Variants in SOX5 observed in about 807,000 individuals in gnomAD.
SOX5 encodes transcription factor SOX-5.
A neutral mutation model predicts 92.0 loss-of-function variants in SOX5; 9 were observed. That is an observed-to-expected ratio of 0.10 (90% CI 0.06 to 0.17). The LOEUF (loss-of-function observed/expected upper bound fraction) is 0.17. Ranked by LOEUF, SOX5 falls within the 10% of genes least tolerant of loss-of-function variation. The pLI is 1.00. For synonymous variants in SOX5, 344 were observed against 336.3 expected (o/e 1.02, Z -0.25); for missense variants, 642 against 944.5 (o/e 0.68, Z 4.20).
intron 4 of SOX5, among the ~76,000 whole-genome samples, chr12:24,165,818 A>C (rs1953337851): frequency 1.3e-5 from 2 of 152,192 alleles, no homozygotes; most frequent in South Asian, 4.1e-4. Flanking sequence ...TTAGTTTAAC[A>C]AATCAAGACT....
At chr12:23,652,842 T>C (rs2081791241) in intron 7 of SOX5, among the ~76,000 whole-genome samples, 1 of 152,134 alleles carries the variant, frequency 6.6e-6, no homozygotes, top group African/African-American at 2.4e-5. Context: ...CTCTCTAGTT[T>C]CCAGTAGCAT....
At chr12:23,858,321 T>G (rs1485496624) in intron 2 of SOX5, among the ~76,000 whole-genome samples, 1 of 152,066 alleles carries the variant, frequency 6.6e-6, no homozygotes, top group Non-Finnish European at 1.5e-5. Context: ...AAATCCAGCA[T>G]CTATAAGGAA....
At chr12:23,969,925 G>A (rs756001665) in intron 4 of SOX5, among the ~76,000 whole-genome samples, 29 of 152,144 alleles carry the variant, frequency 1.9e-4, no homozygotes, top group Non-Finnish European at 4.1e-4. Flanking sequence ...GCTCAAGGAC[G>A]CAAGTGTGCC....
At chr12:23,835,684 A>C (rs933015321) in intron 3 of SOX5, among the ~76,000 whole-genome samples, 13 of 151,836 alleles carry the variant, frequency 8.6e-5, no homozygotes, top group African/African-American at 2.7e-4. Flanking sequence ...ATTTCAGATA[A>C]TATATTATTC....
intron 4 of SOX5, among the ~76,000 whole-genome samples, chr12:24,204,283 T>C (rs1299188947): frequency 6.6e-6 from 1 of 151,680 alleles, no homozygotes; most frequent in African/African-American, 2.4e-5. Flanking sequence ...TGATGAATAA[T>C]CTTGGGTATA....
chr12:24,252,849 C>A (rs141788386), intron 3 of SOX5, among the ~76,000 whole-genome samples: 2 of 152,170 alleles, frequency 1.3e-5, no homozygotes, highest in African/African-American at 4.8e-5. Context: ...CATGGAAACA[C>A]GCTGGAGAGC....
In SOX5 at chr12:23,580,668, G is replaced by T. The variant is rs751364236; in HGVS notation, c.1165-4830C>A. Among the ~76,000 whole-genome samples the T allele has an allele frequency of 7.2e-4, 110 of 152,078 alleles. 1 individual carries two copies. Among genetic ancestry groups the T allele is most frequent in the South Asian group, 2.5e-3 (12 of 4,822 alleles). On this transcript the variant is annotated intron_variant, in intron 9 of 14. Coordinates refer to ENST00000451604, the MANE Select transcript of SOX5 (RefSeq NM_006940.6). ...TACTGGGCTAATTGTAGTTTTCTGGGATAGAATGCAAAGTAAGTAAAATCC... is the reference window on the plus strand; with the variant it reads ...TACTGGGCTAATTGTAGTTTTCTGGTATAGAATGCAAAGTAAGTAAAATCC...
intron 1 of SOX5, among the ~76,000 whole-genome samples, chr12:24,376,205 C>A (rs1046630149): frequency 1.3e-5 from 2 of 152,142 alleles, no homozygotes; most frequent in African/African-American, 2.4e-5. Context: ...TTACAAATTC[C>A]AAGAACTTTT....
intron 2 of SOX5, among the ~76,000 whole-genome samples, chr12:24,356,842 G>C (rs781220818): frequency 6.6e-6 from 1 of 152,116 alleles, no homozygotes; most frequent in Non-Finnish European, 1.5e-5. Flanking sequence ...TTGGACTTAA[G>C]TAATGGCAAA....
chr12:23,781,004 A>C (rs2095267354), intron 3 of SOX5, among the ~76,000 whole-genome samples: 1 of 151,954 alleles, frequency 6.6e-6, no homozygotes, highest in Non-Finnish European at 1.5e-5. Flanking sequence ...TGAACTAGAA[A>C]AGCTCATTTT....
Position 23,802,371 on chromosome 12 carries a change from C to T in SOX5, c.481+43612G>A, listed in dbSNP as rs541640596. On this transcript the variant is annotated intron_variant, in intron 3 of 14. Coordinates refer to ENST00000451604, the MANE Select transcript of SOX5 (RefSeq NM_006940.6). The stretch of plus-strand genomic sequence containing the variant: ...CTGGGATTATAGGCGTCAGCCACTG[C>T]GCCCGGCCTTTTCTTAATTTTTAAA... Among the ~76,000 whole-genome samples the T allele has an allele frequency of 8.5e-5, 13 of 152,234 alleles. No individual in the cohort carries two copies. In the South Asian group the frequency reaches 2.1e-3, roughly 24 times the overall value.
At chr12:23,616,064 G>A (rs1019596288) in intron 8 of SOX5, among the ~76,000 whole-genome samples, 1 of 152,120 alleles carries the variant, frequency 6.6e-6, no homozygotes, top group African/African-American at 2.4e-5. Flanking sequence ...CCTAACAGAG[G>A]AGAGGTACAA....
At chr12:23,704,439 T>C (rs1374758671) in intron 6 of SOX5, among the ~76,000 whole-genome samples, 1 of 151,642 alleles carries the variant, frequency 6.6e-6, no homozygotes, top group Non-Finnish European at 1.5e-5. Flanking sequence ...AAGGAAATTA[T>C]TATAAAGCCA....
Position 23,846,146 on chromosome 12 carries a change from T to C in SOX5, c.318A>G (p.Ser106=), listed in dbSNP as rs2096572332. The C allele has an allele frequency of 6.2e-7, 1 of 1,614,122 alleles. No homozygotes were observed. The highest frequency in any genetic ancestry group is 1.7e-5 in the Admixed American group (1 of 60,006). The change falls in exon 3 of 15, where the codon TCA becomes TCG. Residue 106 remains serine, a synonymous_variant. Transcript: ENST00000451604. ...CTTCTGCCTTCTGAGGTGAGGTAGA[T>C]GAGTTGTGTGGGGCAAATGAAGACA... is the stretch of plus-strand genomic sequence containing the variant. ...KVMSSFAPHN[S]STSPQKAEEG...
chr12:23,824,859 G>C (rs905816028), intron 3 of SOX5, among the ~76,000 whole-genome samples: 1 of 152,224 alleles, frequency 6.6e-6, no homozygotes, highest in African/African-American at 2.4e-5. Flanking sequence ...TGCCCAGTCT[G>C]AATTTTCCGG....
intron 6 of SOX5, among the ~76,000 whole-genome samples, chr12:23,713,885 A>C (rs553443638): frequency 9.2e-5 from 14 of 151,452 alleles, no homozygotes; most frequent in African/African-American, 3.4e-4. Context: ...TGAAGTCAGG[A>C]GTTCAAGACC....
intron 4 of SOX5, among the ~76,000 whole-genome samples, chr12:23,753,355 G>T (rs1054590862): frequency 4.0e-5 from 6 of 151,030 alleles, no homozygotes; most frequent in Non-Finnish European, 5.9e-5. Flanking sequence ...ACACACACAC[G>T]CACACACTTA....
At chr12:24,344,501 C>G (rs775286357) in intron 2 of SOX5, among the ~76,000 whole-genome samples, 1 of 152,116 alleles carries the variant, frequency 6.6e-6, no homozygotes, top group South Asian at 2.1e-4. Context: ...ACATGGATCA[C>G]AGCTGTGCCA....
rs1192385683 is a variant in SOX5 at position 23,529,917 on chromosome 12, G to A, written c.*4302C>T. On this transcript the variant is annotated 3_prime_UTR_variant, in exon 15 of 15. Transcript: ENST00000451604. ...AAATCCAAAATATTAGAAGGACTAA[G>A]AGCTTTAGAGCCAGTGGAGCTATAT... The A allele has an allele frequency of 2.0e-5, 3 of 152,052 alleles. No individual in the cohort carries two copies. 9.4% of individuals were successfully genotyped at this position (152,052 alleles called of 1,614,324 possible). A position where few individuals can be genotyped will look rare whatever the true frequency, so the allele number is the denominator to read the frequency against.
Sources: allele counts gnomAD v4.1 joint callset (sites outside exome capture counted in the v4.1 genomes callset), GRCh38; gene constraint gnomAD v4.1.1; transcripts MANE v1.5; gene names NCBI Gene and HGNC (gene_info 2026-07-23, HGNC 2026-07-21).